Variants in CDS1 observed in about 807,000 individuals in gnomAD.
CDS1 encodes phosphatidate cytidylyltransferase 1.
CDS1 carries 41 observed loss-of-function variants against 62.1 expected under a neutral mutation model. That is an observed-to-expected ratio of 0.66 (90% CI 0.51 to 0.86). The LOEUF (loss-of-function observed/expected upper bound fraction) is 0.86, where lower values mean the gene tolerates loss of function less well. Ranked by LOEUF, CDS1 falls within the 40% of genes least tolerant of loss-of-function variation. The probability of loss-of-function intolerance (pLI) is 0.00; values close to 1 mark genes in which losing one functional copy is unlikely to be tolerated. For missense variants in CDS1, 470 were observed against 550.1 expected (o/e 0.85, Z 1.46); for synonymous variants, 185 against 192.6 (o/e 0.96, Z 0.32).
At chr4:84,641,470 G>A (rs1377244578) in intron 10 of CDS1, among the ~76,000 whole-genome samples, 1 of 152,196 alleles carries the variant, frequency 6.6e-6, no homozygotes, top group Non-Finnish European at 1.5e-5. Flanking sequence ...TTTAGTGTTA[G>A]CTTAAATCAA....
chr4:84,635,608 TGCCTGCCTGCCTGCCTG>T (rs1724162758), intron 8 of CDS1, among the ~76,000 whole-genome samples: 1 of 97,222 alleles, frequency 1.0e-5, no homozygotes, highest in African/African-American at 4.3e-5. Context: ...CCTGCCTGCC[TGCCTGCCTGCCTGCCTG>T]CCTTCCTTCC....
At chr4:84,609,107 A>C (rs1425517542) in intron 2 of CDS1, among the ~76,000 whole-genome samples, 1 of 141,922 alleles carries the variant, frequency 7.0e-6, no homozygotes, top group African/African-American at 2.7e-5. Flanking sequence ...TGAACCCAGG[A>C]GGTGGAGCTT....
At chr4:84,605,627 C>T (rs1723070895) in intron 2 of CDS1, among the ~76,000 whole-genome samples, 2 of 152,124 alleles carry the variant, frequency 1.3e-5, no homozygotes, top group South Asian at 4.1e-4. Flanking sequence ...ATTAAAATCT[C>T]ATCAAGTCTA....
At position 84,648,755 on chromosome 4, in the gene CDS1, A is replaced by C; in HGVS notation, c.*69A>C. On this transcript the variant is annotated 3_prime_UTR_variant, in exon 13 of 13. Transcript: ENST00000295887. ...AAAAACACTGACAGATGTTTTATAA[A>C]TTGTACAGAAAAATAGTTAAAAATG... 1.4e-6 allele frequency: 2 copies of C among 1,480,150 alleles called. No individual in the cohort carries two copies. The highest frequency in any genetic ancestry group is 2.1e-5 in the Admixed American group (1 of 48,058). The allele number at this position is 1,480,150 out of a possible 1,614,324, so 91.7% of individuals were successfully genotyped here.
intron 1 of CDS1, among the ~76,000 whole-genome samples, chr4:84,599,405 CATATAT>C (rs59313355): frequency 0.016 from 389 of 24,422 alleles, 2 homozygotes; most frequent in African/African-American, 0.035. Flanking sequence ...CACACACACA[CATATAT>C]ATATATATAT....
At chr4:84,604,799 A>G (rs1362220655) in intron 2 of CDS1, among the ~76,000 whole-genome samples, 1 of 152,018 alleles carries the variant, frequency 6.6e-6, no homozygotes, top group Non-Finnish European at 1.5e-5. Context: ...TCATTTTTTA[A>G]ATAAGATGGG....
At chr4:84,585,730 T>A (rs147529678) in intron 1 of CDS1, among the ~76,000 whole-genome samples, 83 of 152,362 alleles carry the variant, frequency 5.4e-4, no homozygotes, top group African/African-American at 1.9e-3. Flanking sequence ...TGGTGACTTA[T>A]GCTGAGAGAA....
chr4:84,627,481 T>C (rs1446403325), intron 5 of CDS1, among the ~76,000 whole-genome samples: 14 of 152,206 alleles, frequency 9.2e-5, no homozygotes, highest in Non-Finnish European at 2.1e-4. Flanking sequence ...TGGGGCTCTT[T>C]AGAAACCAGA....
At chr4:84,609,571 A>C in intron 3 of CDS1, 46 bp downstream of exon 3, 1 of 1,035,148 alleles carries the variant, frequency 9.7e-7, no homozygotes. Context: ...TTGTTTTTCA[A>C]CATTTATATA....
intron 1 of CDS1, among the ~76,000 whole-genome samples, chr4:84,599,532 C>A (rs1382118834): frequency 6.7e-6 from 1 of 150,332 alleles, no homozygotes; most frequent in East Asian, 1.9e-4. Flanking sequence ...TAGTTCTTCC[C>A]TCATCCTTAG....
intron 9 of CDS1, among the ~76,000 whole-genome samples, chr4:84,640,340 CTTATT>C (rs1560483372): frequency 6.6e-6 from 1 of 151,680 alleles, no homozygotes; most frequent in Non-Finnish European, 1.5e-5. Context: ...AACAGGATAT[CTTATT>C]TTATGTATCT....
chr4:84,632,963 A>C (rs1257560115), intron 6 of CDS1, among the ~76,000 whole-genome samples: 1 of 152,200 alleles, frequency 6.6e-6, no homozygotes, highest in Non-Finnish European at 1.5e-5. Flanking sequence ...ATTTCTACAA[A>C]GAATATGAAA....
intron 2 of CDS1, among the ~76,000 whole-genome samples, chr4:84,605,142 G>T (rs570415925): frequency 6.6e-6 from 1 of 152,222 alleles, no homozygotes; most frequent in East Asian, 1.9e-4. Context: ...TTACATATTG[G>T]TGTAGAAAGA....
intron 3 of CDS1, among the ~76,000 whole-genome samples, chr4:84,610,165 A>G (rs1723273608): frequency 6.6e-6 from 1 of 152,220 alleles, no homozygotes; most frequent in African/African-American, 2.4e-5. Flanking sequence ...AAGTTCTATG[A>G]TAGAACATGT....
chr4:84,598,401 TTC>T (rs1722822991), intron 1 of CDS1, among the ~76,000 whole-genome samples: 1 of 151,224 alleles, frequency 6.6e-6, no homozygotes, highest in Non-Finnish European at 1.5e-5. Flanking sequence ...CTCACTTTTT[TTC>T]TTTTTCTTTT....
At chr4:84,594,225 G>A (rs1037501458) in intron 1 of CDS1, among the ~76,000 whole-genome samples, 2 of 152,118 alleles carry the variant, frequency 1.3e-5, no homozygotes, top group African/African-American at 4.8e-5. Context: ...CAGGAAAGAA[G>A]GGTCAGATTT....
chr4:84,600,703 G>A (rs991445457), intron 1 of CDS1, among the ~76,000 whole-genome samples: 2 of 152,080 alleles, frequency 1.3e-5, no homozygotes, highest in Non-Finnish European at 2.9e-5. Context: ...AAGAACTCTT[G>A]AAAACAGGTA....
intron 1 of CDS1, among the ~76,000 whole-genome samples, chr4:84,587,624 G>A (rs760645549): frequency 1.3e-5 from 2 of 152,170 alleles, no homozygotes; most frequent in Non-Finnish European, 2.9e-5. Context: ...AAAGAGCTAA[G>A]ACATGACTTA....
intron 12 of CDS1, among the ~76,000 whole-genome samples, chr4:84,647,125 A>G (rs115922902): frequency 0.016 from 2,448 of 151,972 alleles, 33 homozygotes; most frequent in Non-Finnish European, 0.027. Flanking sequence ...CTCTCCTTTT[A>G]TTTTTAACAT....
Sources: gnomAD v4.1 joint callset for allele counts (sites outside exome capture counted in the v4.1 genomes callset) on GRCh38, gnomAD v4.1.1 for gene constraint, MANE v1.5 for transcripts, NCBI Gene and HGNC (gene_info 2026-07-23, HGNC 2026-07-21) for gene names.